The following ZBED3 variants were observed in gnomAD, a reference collection of about 807,000 sequenced individuals.
ZBED3 encodes zinc finger BED-type containing 3, also known as zinc finger BED domain-containing protein 3.
For synonymous variants in ZBED3, 175 were observed against 180.0 expected (o/e 0.97, Z 0.22); for missense variants, 388 against 362.9 (o/e 1.07, Z -0.56).
intron 1 of ZBED3, among the ~76,000 whole-genome samples, chr5:77,082,038 A>G (rs1368895842): frequency 6.6e-6 from 1 of 152,146 alleles, no homozygotes; most frequent in Non-Finnish European, 1.5e-5. Context: ...AGTTCCAAGC[A>G]GGTGGATCAC....
rs879085861 is a variant in ZBED3, at chr5:77,073,454, C to CTA, written c.*3719_*3720insTA. ...AGAGTAATATAAAAATTGCAAAAGACAAAAGAAAATATATTAAAATGTTAA... is the reference window on the plus strand; with the variant it reads ...AGAGTAATATAAAAATTGCAAAAGACTAAAAAGAAAATATATTAAAATGTTAA... On this transcript the variant is annotated 3_prime_UTR_variant, in exon 3 of 3. Coordinates refer to ENST00000255198, the MANE Select transcript of ZBED3 (RefSeq NM_032367.4). The CTA allele has an allele frequency of 4.6e-5, 7 of 151,900 alleles. No homozygotes were observed. The East Asian group carries it at 1.2e-3, about 25-fold the overall frequency. 9.4% of individuals were successfully genotyped at this position (151,900 alleles called of 1,614,324 possible). A position where few individuals can be genotyped will look rare whatever the true frequency, so the allele number is the denominator to read the frequency against.
At position 77,077,274 on chromosome 5, in the gene ZBED3, C is replaced by A. The variant is rs1248767332; in HGVS notation, c.605G>T (p.Arg202Leu). ...GGGGGCCCAGCCCAGGGCGCCCTCA[C>A]GGCGGCTCACATCCCGCAGCCGCGC... ...LQARLRDVSRREGALGWAPAA... is the reference protein window; with the variant it reads ...LQARLRDVSRLEGALGWAPAA... Residue 202 changes from arginine (R) to leucine (L), a missense_variant, in exon 3 of 3, where the codon CGT (arginine) becomes CTT (leucine). Transcript: ENST00000255198. 3 of 1,416,874 alleles carry A rather than the reference C, an allele frequency of 2.1e-6. No individual in the cohort carries two copies. The highest frequency in any genetic ancestry group is 2.8e-5 in the Admixed American group (1 of 35,104). The allele number at this position is 1,416,874 out of a possible 1,614,324, so 87.8% of individuals were successfully genotyped here.
intron 1 of ZBED3, among the ~76,000 whole-genome samples, chr5:77,081,380 T>C (rs946542275): frequency 1.3e-5 from 2 of 151,406 alleles, no homozygotes; most frequent in Non-Finnish European, 2.9e-5. Context: ...AGGGTCTTGC[T>C]CTGTCACCCA....
At position 77,072,486 on chromosome 5, in the gene ZBED3, T is replaced by C. The variant is rs553888646; in HGVS notation, c.*4688A>G. ...ATGTTTTAAAGAATGTGCTAGGGAC[T>C]CATGGCCACTCTAAAAGAGGAGTTC... On this transcript the variant is annotated 3_prime_UTR_variant, in exon 3 of 3. Coordinates refer to ENST00000255198, the MANE Select transcript of ZBED3 (RefSeq NM_032367.4). 1.3e-5 allele frequency: 2 copies of C among 152,326 alleles called. No homozygotes were observed. The highest frequency in any genetic ancestry group is 4.1e-4 in the South Asian group (2 of 4,826). The allele number at this position is 152,326 out of a possible 1,614,324, so 9.4% of individuals were successfully genotyped here.
rs1554048039 is a variant in ZBED3, at chr5:77,076,005, A to ATATATG, written c.*1168_*1169insCATATA. On this transcript the variant is annotated 3_prime_UTR_variant, in exon 3 of 3. Coordinates refer to ENST00000255198, the MANE Select transcript of ZBED3 (RefSeq NM_032367.4). ...TGTATATATATATGTATATATGTAT[A>ATATATG]TATATATGTATATATGTATATATAT... 1.9e-5 allele frequency: 1 copy of ATATATG among 51,632 alleles called. No individual in the cohort carries two copies. The highest frequency in any genetic ancestry group is 4.3e-5 in the Non-Finnish European group (1 of 23,266). 3.2% of individuals were successfully genotyped at this position (51,632 alleles called of 1,614,324 possible). A position where few individuals can be genotyped will look rare whatever the true frequency, so the allele number is the denominator to read the frequency against.
At chr5:77,084,574 A>C (rs567782378) in intron 1 of ZBED3, among the ~76,000 whole-genome samples, 48 of 152,324 alleles carry the variant, frequency 3.2e-4, no homozygotes, top group African/African-American at 1.1e-3. Flanking sequence ...CTTTATCAGC[A>C]GCGCGAAAAC....
At chr5:77,082,818 CATAA>C (rs1156640251) in intron 1 of ZBED3, among the ~76,000 whole-genome samples, 1 of 152,122 alleles carries the variant, frequency 6.6e-6, no homozygotes, top group Non-Finnish European at 1.5e-5. Context: ...AGGATCTCTA[CATAA>C]ATAAAAAATA....
In ZBED3 at chr5:77,072,428, A is replaced by T. The variant is rs1480998738; in HGVS notation, c.*4746T>A. On this transcript the variant is annotated 3_prime_UTR_variant, in exon 3 of 3. Coordinates refer to ENST00000255198, the MANE Select transcript of ZBED3 (RefSeq NM_032367.4). Reference sequence around the variant, plus strand: ...GCAGTTCTTTTAAAAAATCAAATTTATCCTGGAAAGAGGAGTATTTGCCAA... The same window carrying T: ...GCAGTTCTTTTAAAAAATCAAATTTTTCCTGGAAAGAGGAGTATTTGCCAA... 1.3e-5 allele frequency: 2 copies of T among 152,232 alleles called. No individual in the cohort carries two copies. Among genetic ancestry groups the T allele is most frequent in the African/African-American group, 4.8e-5 (2 of 41,466 alleles). The allele number at this position is 152,232 out of a possible 1,614,324, so 9.4% of individuals were successfully genotyped here.
At chr5:77,083,609 A>G (rs1350601189) in intron 1 of ZBED3, among the ~76,000 whole-genome samples, 1 of 152,224 alleles carries the variant, frequency 6.6e-6, no homozygotes, top group Admixed American at 6.5e-5. Context: ...GACATGAACA[A>G]TAAAGAAACT....
chr5:77,079,694 A>G (rs1743092092), intron 1 of ZBED3, among the ~76,000 whole-genome samples: 2 of 152,236 alleles, frequency 1.3e-5, no homozygotes, highest in African/African-American at 2.4e-5. Context: ...CACTCATGAT[A>G]AAGACCAATT....
intron 1 of ZBED3, among the ~76,000 whole-genome samples, chr5:77,080,942 A>C (rs1743116881): frequency 6.6e-6 from 1 of 152,258 alleles, no homozygotes; most frequent in Non-Finnish European, 1.5e-5. Flanking sequence ...AACAAAAAAC[A>C]AAAAACTCGA....
rs1368282026 is a variant in ZBED3, at chr5:77,075,949, A to ATG, written c.*1224_*1225insCA. 3.2e-5 allele frequency: 1 copy of ATG among 31,070 alleles called. No individual in the cohort carries two copies. Among genetic ancestry groups the ATG allele is most frequent in the Non-Finnish European group, 7.5e-5 (1 of 13,376 alleles). 1.9% of individuals were successfully genotyped at this position (31,070 alleles called of 1,614,324 possible). A position where few individuals can be genotyped will look rare whatever the true frequency, so the allele number is the denominator to read the frequency against. The stretch of plus-strand genomic sequence containing the variant: ...AACTTAAAGTATTATATATACATAT[A>ATG]TATATATATATATATATGTATATGT... On this transcript the variant is annotated 3_prime_UTR_variant, in exon 3 of 3. Coordinates refer to ENST00000255198, the MANE Select transcript of ZBED3 (RefSeq NM_032367.4).
rs1187138825 is a variant in ZBED3 at position 77,077,641 on chromosome 5, G to A, written c.238C>T (p.Pro80Ser). Residue 80 changes from proline to serine, a missense_variant, in exon 3 of 3, where the codon CCG (proline) becomes TCG (serine). Transcript: ENST00000255198. Reference protein sequence around the residue: ...RLCGEQVGRGPGFHAGTSALW... With the variant: ...RLCGEQVGRGSGFHAGTSALW... Reference sequence around the variant, plus strand: ...GCCGAGGTCCCCGCGTGGAAGCCCGGGCCGCGGCCCACCTGCTCCCCGCAC... The same window carrying A: ...GCCGAGGTCCCCGCGTGGAAGCCCGAGCCGCGGCCCACCTGCTCCCCGCAC... 5 of 1,411,438 alleles carry A rather than the reference G, an allele frequency of 3.5e-6. No homozygotes were observed. The East Asian group carries it at 1.6e-4, about 44-fold the overall frequency. The allele number at this position is 1,411,438 out of a possible 1,614,324, so 87.4% of individuals were successfully genotyped here.
Position 77,073,866 on chromosome 5 carries a change from A to C in ZBED3, c.*3308T>G, listed in dbSNP as rs183520101. On this transcript the variant is annotated 3_prime_UTR_variant, in exon 3 of 3. Transcript: ENST00000255198. ...ATACTCCCCACAAGGGCTCAGGGTC[A>C]GGCAGGGGAGGTGAGATAAAAACCC... The C allele has an allele frequency of 6.6e-6, 1 of 152,386 alleles. No homozygotes were observed. Among genetic ancestry groups the C allele is most frequent in the African/African-American group, 2.4e-5 (1 of 41,574 alleles). The allele number at this position is 152,386 out of a possible 1,614,324, so 9.4% of individuals were successfully genotyped here. A position where few individuals can be genotyped will look rare whatever the true frequency, so the allele number is the denominator to read the frequency against.
At position 77,077,346 on chromosome 5, in the gene ZBED3, G is replaced by A. The variant is rs1288423479; in HGVS notation, c.533C>T (p.Ala178Val). The stretch of plus-strand genomic sequence containing the variant: ...CTGCAGTTCCCGGCGCGCCTGGGCC[G>A]CGGCGCGCTCTTCCTCCTGCAGCGC... ...RRALQEEERA[A>V]AQARRELQAE... Residue 178 changes from alanine (A) to valine (V), a missense_variant, in exon 3 of 3, where the codon GCG (alanine) becomes GTG (valine). By Grantham distance (64) the Ala-to-Val change is moderately conservative (BLOSUM62 0). Coordinates refer to ENST00000255198, the MANE Select transcript of ZBED3 (RefSeq NM_032367.4). 3.2e-6 allele frequency: 4 copies of A among 1,254,488 alleles called. No homozygotes were observed. The highest frequency in any genetic ancestry group is 3.0e-5 in the South Asian group (1 of 32,886). The allele number at this position is 1,254,488 out of a possible 1,614,324, so 77.7% of individuals were successfully genotyped here.
Position 77,077,554 on chromosome 5 carries a change from A to G in ZBED3, c.325T>C (p.Ser109Pro). Residue 109 changes from serine to proline, a missense_variant, in exon 3 of 3, where the codon TCC (serine) becomes CCC (proline). Physicochemically the swap from Ser to Pro is moderately conservative, Grantham distance 74. Coordinates refer to ENST00000255198, the MANE Select transcript of ZBED3 (RefSeq NM_032367.4). ...RELESSGAGS[S>P]PPAAPCPPPP... ...GGCGGGCAGGGCGCGGCAGGTGGGGAGCTCCCGGCGCCGCTGCTCTCCAGC... is the reference window on the plus strand; with the variant it reads ...GGCGGGCAGGGCGCGGCAGGTGGGGGGCTCCCGGCGCCGCTGCTCTCCAGC... 2 of 1,248,516 alleles carry G rather than the reference A, an allele frequency of 1.6e-6. No individual in the cohort carries two copies. Among genetic ancestry groups the G allele is most frequent in the Admixed American group, 4.2e-5 (1 of 23,976 alleles). 77.3% of individuals were successfully genotyped at this position (1,248,516 alleles called of 1,614,324 possible). A position where few individuals can be genotyped will look rare whatever the true frequency, so the allele number is the denominator to read the frequency against.
rs1290153829 is a variant in ZBED3, at chr5:77,077,255, C to A, written c.624G>T (p.Trp208Cys). Residue 208 changes from tryptophan to cysteine, a missense_variant, in exon 3 of 3, where the codon TGG (tryptophan) becomes TGT (cysteine). Physicochemically the swap from Trp to Cys is radical, Grantham distance 215. Transcript: ENST00000255198. The part of the protein sequence containing the change: ...DVSRREGALG[W>C]APAAPPPLKD... Reference sequence around the variant, plus strand: ...TGAGCGGCGGCGGCGCAGCGGGGGCCCAGCCCAGGGCGCCCTCACGGCGGC... The same window carrying A: ...TGAGCGGCGGCGGCGCAGCGGGGGCACAGCCCAGGGCGCCCTCACGGCGGC... The A allele has an allele frequency of 7.1e-5, 103 of 1,460,902 alleles. No individual in the cohort carries two copies. Among genetic ancestry groups the A allele is most frequent in the Middle Eastern group, 3.5e-4 (2 of 5,692 alleles). The allele number at this position is 1,460,902 out of a possible 1,614,324, so 90.5% of individuals were successfully genotyped here.
rs546975061 is a variant in ZBED3 at position 77,077,644 on chromosome 5, C to G, written c.235G>C (p.Gly79Arg). ...GAGGTCCCCGCGTGGAAGCCCGGGC[C>G]GCGGCCCACCTGCTCCCCGCACAGA... ...CRLCGEQVGR[G>R]PGFHAGTSAL... The change falls in exon 3 of 3, where the codon GGC becomes CGC. Residue 79 changes from glycine (G) to arginine (R), a missense_variant. Transcript: ENST00000255198. The G allele has an allele frequency of 2.8e-6, 4 of 1,410,526 alleles. No homozygotes were observed. In the South Asian group the frequency reaches 5.9e-5, roughly 21 times the overall value. The allele number at this position is 1,410,526 out of a possible 1,614,324, so 87.4% of individuals were successfully genotyped here.
Position 77,076,008 on chromosome 5 carries a change from T to A in ZBED3, c.*1166A>T, listed in dbSNP as rs1001099631. 3.5e-5 allele frequency: 3 copies of A among 85,536 alleles called. 1 individual carries two copies. Among genetic ancestry groups the A allele is most frequent in the Non-Finnish European group, 4.7e-5 (2 of 42,168 alleles). 5.3% of individuals were successfully genotyped at this position (85,536 alleles called of 1,614,324 possible). A position where few individuals can be genotyped will look rare whatever the true frequency, so the allele number is the denominator to read the frequency against. On this transcript the variant is annotated 3_prime_UTR_variant, in exon 3 of 3. Transcript: ENST00000255198. ...ATATATATATGTATATATGTATATA[T>A]ATATGTATATATGTATATATATATG...
Sources: gnomAD v4.1 joint callset for allele counts (sites outside exome capture counted in the v4.1 genomes callset) on GRCh38, gnomAD v4.1.1 for gene constraint, MANE v1.5 for transcripts, NCBI Gene and HGNC (gene_info 2026-07-23, HGNC 2026-07-21) for gene names.